Variants in GRK4 observed in about 807,000 individuals in gnomAD.
GRK4 encodes G protein-coupled receptor kinase 2-like.
Under a neutral mutation model 77.9 loss-of-function variants are expected in GRK4, and 73 were observed. The ratio of observed to expected loss-of-function variants is 0.94; its 90% CI spans 0.78 to 1.14. The LOEUF is 1.14. Ranked by LOEUF, GRK4 falls within the 50% of genes most tolerant of loss-of-function variation. GRK4 has a pLI of 0.00. For missense variants in GRK4, 729 were observed against 700.2 expected (o/e 1.04, Z -0.46); for synonymous variants, 257 against 254.4 (o/e 1.01, Z -0.10).
At chr4:2,991,665 C>G (rs569882076) in intron 3 of GRK4, among the ~76,000 whole-genome samples, 1 of 152,106 alleles carries the variant, frequency 6.6e-6, no homozygotes, top group South Asian at 2.1e-4. Context: ...GTATGCGCCA[C>G]CACACCCAGC....
chr4:2,976,928 C>T (rs1037573109), intron 1 of GRK4, among the ~76,000 whole-genome samples: 4 of 152,180 alleles, frequency 2.6e-5, no homozygotes, highest in African/African-American at 9.7e-5. Flanking sequence ...CGCGAGCCAC[C>T]GCACCCGGCC....
intron 1 of GRK4, among the ~76,000 whole-genome samples, chr4:2,981,734 G>T (rs775346528): frequency 3.3e-5 from 5 of 152,228 alleles, no homozygotes; most frequent in South Asian, 2.1e-4. Flanking sequence ...CGGCTGTCAG[G>T]CTTCAGTCTA....
chr4:2,973,071 A>G (rs1233379098), intron 1 of GRK4, among the ~76,000 whole-genome samples: 1 of 152,202 alleles, frequency 6.6e-6, no homozygotes, highest in East Asian at 1.9e-4. Context: ...GGGGTCAGTT[A>G]GATGCTGGGT....
chr4:3,015,249 G>C (rs1223204774), intron 8 of GRK4, among the ~76,000 whole-genome samples: 1 of 152,212 alleles, frequency 6.6e-6, no homozygotes, highest in African/African-American at 2.4e-5. Context: ...TGAAGGGAGA[G>C]TGTGAACGAG....
intron 3 of GRK4, among the ~76,000 whole-genome samples, chr4:2,989,986 T>A (rs1296915789): frequency 6.6e-6 from 1 of 152,188 alleles, no homozygotes; most frequent in African/African-American, 2.4e-5. Context: ...TGCTTTGGCC[T>A]GTCTTAATTG....
At chr4:3,040,370 G>A (rs536695310) in intron 15 of GRK4, among the ~76,000 whole-genome samples, 1 of 152,286 alleles carries the variant, frequency 6.6e-6, no homozygotes, top group Admixed American at 6.5e-5. Flanking sequence ...GAACCTGGAA[G>A]GTGGAGGTTG....
intron 4 of GRK4, among the ~76,000 whole-genome samples, chr4:2,994,547 C>G (rs1179148015): frequency 6.6e-6 from 1 of 152,140 alleles, no homozygotes; most frequent in Non-Finnish European, 1.5e-5. Flanking sequence ...AAATTAGCTC[C>G]CTTTTCTTTC....
At chr4:3,015,321 G>A (rs1324148468) in intron 8 of GRK4, among the ~76,000 whole-genome samples, 3 of 152,202 alleles carry the variant, frequency 2.0e-5, no homozygotes, top group Non-Finnish European at 2.9e-5. Context: ...TTCTTAGCCC[G>A]GAGGTTAGCT....
chr4:3,035,956 C>A (rs1740503824), intron 13 of GRK4, among the ~76,000 whole-genome samples: 1 of 151,894 alleles, frequency 6.6e-6, no homozygotes, highest in Non-Finnish European at 1.5e-5. Context: ...CCCCAGGTAG[C>A]TGAGACCACA....
rs151005358 is a variant in GRK4 at position 3,029,362 on chromosome 4, G to A, written c.1222G>A (p.Glu408Lys). 2 of 1,614,064 alleles carry A rather than the reference G, an allele frequency of 1.2e-6. No individual in the cohort carries two copies. The highest frequency in any genetic ancestry group is 1.7e-5 in the Admixed American group (1 of 59,998). The part of the protein sequence containing the change: ...VDQRIKNDTE[E>K]YSEKFSEDAK... ...TCAAAGAATCAAGAATGATACCGAG[G>A]AGTATTCTGAGAAGTTTTCAGAGGA... Residue 408 changes from glutamate to lysine, a missense_variant, in exon 12 of 16, where the codon GAG (glutamate) becomes AAG (lysine). Physicochemically the swap from Glu to Lys is moderately conservative, Grantham distance 56 (BLOSUM62 1). Coordinates refer to ENST00000398052, the MANE Select transcript of GRK4 (RefSeq NM_182982.3).
chr4:2,988,832 A>G lies in GRK4; in HGVS notation c.254A>G (p.Asp85Gly). 6.3e-7 allele frequency: 1 copy of G among 1,589,716 alleles called. No homozygotes were observed. Among genetic ancestry groups the G allele is most frequent in the East Asian group, 2.2e-5 (1 of 44,800 alleles). The change falls in exon 3 of 16, where the codon GAT (aspartate) becomes GGT (glycine). Residue 85 changes from aspartate (D) to glycine (G), a missense_variant. Coordinates refer to ENST00000398052, the MANE Select transcript of GRK4 (RefSeq NM_182982.3). ...CTAAAGAGGCACATTGAATTCTTGGATGCAGTGGTGAGCAGTTTATCTCCA... is the reference window on the plus strand; with the variant it reads ...CTAAAGAGGCACATTGAATTCTTGGGTGCAGTGGTGAGCAGTTTATCTCCA... ...PTLKRHIEFL[D>G]AVAEYEVADD...
intron 4 of GRK4, among the ~76,000 whole-genome samples, chr4:3,002,934 C>T (rs943255526): frequency 6.6e-5 from 10 of 152,008 alleles, no homozygotes; most frequent in Non-Finnish European, 1.0e-4. Flanking sequence ...TAAAAAAACA[C>T]GTAACATGAA....
At chr4:3,035,591 C>T in intron 13 of GRK4, 68 bp downstream of exon 13, 2 of 1,507,362 alleles carry the variant, frequency 1.3e-6, no homozygotes, top group Admixed American at 2.2e-5. Context: ...TTTTCTCTTT[C>T]TTTTTTCAAA....
chr4:3,029,801 C>T (rs1422186011), intron 12 of GRK4, among the ~76,000 whole-genome samples: 2 of 152,200 alleles, frequency 1.3e-5, no homozygotes, highest in Admixed American at 1.3e-4. Context: ...TTAGGAAGCT[C>T]ACGTCTACCT....
intron 2 of GRK4, among the ~76,000 whole-genome samples, chr4:2,985,477 A>G (rs1270793275): frequency 6.6e-6 from 1 of 151,920 alleles, no homozygotes; most frequent in African/African-American, 2.4e-5. Flanking sequence ...AGGCTGAGGC[A>G]GGAGGATCCC....
At chr4:2,988,695 T>C in intron 2 of GRK4, 32 bp from the exon 3 acceptor site, 1 of 1,161,464 alleles carries the variant, frequency 8.6e-7, no homozygotes, top group East Asian at 2.3e-5. Flanking sequence ...ATGATTCTAT[T>C]TGTTTGCTTC....
intron 1 of GRK4, among the ~76,000 whole-genome samples, chr4:2,977,292 G>A (rs547461113): frequency 6.6e-6 from 1 of 152,264 alleles, no homozygotes; most frequent in East Asian, 1.9e-4. Context: ...TTGCTAGAGC[G>A]TGGGGCTCTC....
At chr4:3,037,063 G>GTGTC (rs1202605525) in intron 13 of GRK4, among the ~76,000 whole-genome samples, 2 of 110,570 alleles carry the variant, frequency 1.8e-5, no homozygotes, top group Non-Finnish European at 3.6e-5. Flanking sequence ...GTGTGTGTGT[G>GTGTC]TGTGTGTATG....
intron 4 of GRK4, among the ~76,000 whole-genome samples, chr4:2,995,831 G>A (rs746310006): frequency 3.3e-5 from 5 of 152,112 alleles, no homozygotes; most frequent in African/African-American, 7.2e-5. Context: ...TGTTTGACCC[G>A]AATTCTCACT....
Sources: allele counts gnomAD v4.1 joint callset (sites outside exome capture counted in the v4.1 genomes callset), GRCh38; gene constraint gnomAD v4.1.1; transcripts MANE v1.5; gene names NCBI Gene and HGNC (gene_info 2026-07-23, HGNC 2026-07-21).